FBXL22: variants seen among roughly 807,000 people sequenced by gnomAD.
FBXL22 encodes the protein F-box and leucine rich repeat protein 22.
Under a neutral mutation model 11.7 loss-of-function variants are expected in FBXL22, and 13 were observed. That is an observed-to-expected ratio of 1.11 (90% CI 0.73 to 1.77). FBXL22 has a LOEUF of 1.77. Ranked by LOEUF, FBXL22 falls within the 40% of genes most tolerant of loss-of-function variation. The probability of loss-of-function intolerance (pLI) is 0.00; values close to 1 mark genes in which losing one functional copy is unlikely to be tolerated. For synonymous variants in FBXL22, 160 were observed against 144.1 expected, an observed-to-expected ratio of 1.11 and a Z score of -0.79; for missense variants, 406 against 320.4, an observed-to-expected ratio of 1.27 and a Z score of -2.04.
chr15:63,599,423 G>A, intron 1 of FBXL22: 1 of 1,361,376 alleles, frequency 7.3e-7, no homozygotes, highest in Non-Finnish European at 9.4e-7. Flanking sequence ...TGACAAATGA[G>A]GAAGTGACGC....
At chr15:63,603,704 G>A (rs546534568), downstream of FBXL22, among the ~76,000 whole-genome samples, 4 of 152,308 alleles carry the variant, frequency 2.6e-5, no homozygotes, top group East Asian at 1.9e-4. Flanking sequence ...AAAGGGCTCC[G>A]GGCTGGGGCA....
At chr15:63,600,389 C>G in intron 1 of FBXL22, 1 of 1,153,672 alleles carries the variant, frequency 8.7e-7, no homozygotes, top group East Asian at 4.0e-5. Context: ...CTGGAACCGG[C>G]ATTCCCTCTG....
chr15:63,597,722 T>G lies in FBXL22; in HGVS notation c.330T>G (p.Asp110Glu), dbSNP rs1486892301. Residue 110 changes from aspartate to glutamate, a missense_variant, in exon 1 of 2, where the codon GAT becomes GAG. Asp to Glu is a conservative substitution (Grantham distance 45, BLOSUM62 2). Coordinates refer to ENST00000638704, the MANE Select transcript of FBXL22 (RefSeq NM_001367807.1). The surrounding 1 kb of genome is among the most constrained non-coding windows in gnomAD (Gnocchi z 4.3). Reference protein sequence around the residue: ...ICSRHESLVNDFLLRVCDRCP... With the variant: ...ICSRHESLVNEFLLRVCDRCP... ...GCCGGCACGAGAGCCTGGTCAATGA[T>G]TTCCTCCTCCGGGTGTGCGACAGGT... is the stretch of plus-strand genomic sequence containing the variant. 6.3e-7 allele frequency: 1 copy of G among 1,591,232 alleles called. No homozygotes were observed. Among genetic ancestry groups the G allele is most frequent in the African/African-American group, 1.3e-5 (1 of 74,702 alleles).
rs2067358843 is a variant in FBXL22, at chr15:63,600,860, G to A, written c.517G>A (p.Ala173Thr). Residue 173 changes from alanine (A) to threonine (T), a missense_variant, in exon 2 of 2, where the codon GCG becomes ACG. Physicochemically the swap from Ala to Thr is moderately conservative, Grantham distance 58 (BLOSUM62 0). Coordinates refer to ENST00000638704, the MANE Select transcript of FBXL22 (RefSeq NM_001367807.1). ...GGCTGCCGTGGCGGCGGACGGGCGC[G>A]CGCTGCAGACATTGCACGTGGACTT... Reference protein sequence around the residue: ...TLAAVAADGRALQTLHVDFCR... With the variant: ...TLAAVAADGRTLQTLHVDFCR... 6.5e-6 allele frequency: 8 copies of A among 1,229,470 alleles called. No homozygotes were observed. The highest frequency in any genetic ancestry group is 8.1e-6 in the Non-Finnish European group (8 of 986,518). The allele number at this position is 1,229,470 out of a possible 1,614,324, so 76.2% of individuals were successfully genotyped here.
At position 63,597,445 on chromosome 15, in the gene FBXL22, T is replaced by C; in HGVS notation, c.53T>C (p.Leu18Pro). Reference sequence around the variant, plus strand: ...ACCCAGCTCAACCGGGAGTGCCTGCTGCACCTCTTCTCCTTCCTAGACAAG... The same window carrying C: ...ACCCAGCTCAACCGGGAGTGCCTGCCGCACCTCTTCTCCTTCCTAGACAAG... ...HITQLNRECLLHLFSFLDKDS... is the reference protein window; with the variant it reads ...HITQLNRECLPHLFSFLDKDS... The change falls in exon 1 of 2, where the codon CTG becomes CCG. Residue 18 changes from leucine (L) to proline (P), a missense_variant. Leu to Pro is a moderately conservative substitution (Grantham distance 98). Transcript: ENST00000638704. The surrounding 1 kb of genome is among the most constrained non-coding windows in gnomAD (Gnocchi z 4.3). The C allele has an allele frequency of 6.2e-7, 1 of 1,613,984 alleles. No individual in the cohort carries two copies. Among genetic ancestry groups the C allele is most frequent in the Non-Finnish European group, 8.5e-7 (1 of 1,180,002 alleles).
intron 1 of FBXL22, among the ~76,000 whole-genome samples, chr15:63,598,485 C>CA (rs565537843): frequency 2.5e-3 from 374 of 152,300 alleles, no homozygotes; most frequent in Non-Finnish European, 4.0e-3. Flanking sequence ...ACTGAACCAC[C>CA]AGGCCAGGCT....
intron 1 of FBXL22, chr15:63,599,684 A>G: frequency 1.0e-6 from 1 of 987,074 alleles, no homozygotes; most frequent in Non-Finnish European, 1.2e-6. Flanking sequence ...AGGGGCAGTC[A>G]CGGAGCTGCG....
downstream of FBXL22, chr15:63,601,304 C>A (rs769984227): frequency 5.7e-6 from 9 of 1,588,388 alleles, no homozygotes; most frequent in Non-Finnish European, 7.7e-6. Context: ...AGGCTTTCTG[C>A]TGTGCGCTCC....
downstream of FBXL22, among the ~76,000 whole-genome samples, chr15:63,607,287 C>T (rs1479183967): frequency 3.9e-5 from 6 of 152,182 alleles, no homozygotes; most frequent in Non-Finnish European, 7.3e-5. Flanking sequence ...CCTTGTGATC[C>T]ACCCGCCTCG....
downstream of FBXL22, among the ~76,000 whole-genome samples, chr15:63,604,902 A>G (rs140783381): frequency 6.6e-6 from 1 of 152,128 alleles, no homozygotes; most frequent in Non-Finnish European, 1.5e-5. Context: ...AAATACAAAA[A>G]TTAGCTAGGC....
At chr15:63,603,918 A>C (rs1352679560), downstream of FBXL22, among the ~76,000 whole-genome samples, 1 of 152,068 alleles carries the variant, frequency 6.6e-6, no homozygotes, top group South Asian at 2.1e-4. Flanking sequence ...TTGGGAACGA[A>C]TTTTTCTCCC....
At chr15:63,598,932 G>A (rs1327080626) in intron 1 of FBXL22, among the ~76,000 whole-genome samples, 4 of 152,168 alleles carry the variant, frequency 2.6e-5, no homozygotes, top group Non-Finnish European at 5.9e-5. Flanking sequence ...AGAGAACCGA[G>A]CTTAATGCCC....
At chr15:63,601,454 G>T (rs764278764), downstream of FBXL22, 27 of 1,569,390 alleles carry the variant, frequency 1.7e-5, no homozygotes, top group Admixed American at 3.6e-5. Flanking sequence ...GCTGCCGCGC[G>T]CAGGGGTCTG....
chr15:63,600,921 T>C lies in FBXL22; in HGVS notation c.578T>C (p.Leu193Pro). 1 of 1,212,898 alleles carries C rather than the reference T, an allele frequency of 8.2e-7. No individual in the cohort carries two copies. Among genetic ancestry groups the C allele is most frequent in the Non-Finnish European group, 1.0e-6 (1 of 975,870 alleles). The allele number at this position is 1,212,898 out of a possible 1,614,324, so 75.1% of individuals were successfully genotyped here. Residue 193 changes from leucine to proline, a missense_variant, in exon 2 of 2, where the codon CTG becomes CCG. Transcript: ENST00000638704. The stretch of plus-strand genomic sequence containing the variant: ...GTGAGCGCGGCCGGCCTGCGCCGCC[T>C]GCGCGCCGCGTGCCCGCGCCTGGCC... ...RNVSAAGLRR[L>P]RAACPRLALR...
chr15:63,599,986 T>C, intron 1 of FBXL22: 11 of 985,828 alleles, frequency 1.1e-5, no homozygotes, highest in Middle Eastern at 5.2e-4. Context: ...TTTTCTTTGC[T>C]GGGAGGGGCT....
chr15:63,607,512 G>A, the FBXL22 span, among the ~76,000 whole-genome samples: 1 of 152,200 alleles, frequency 6.6e-6, no homozygotes, highest in African/African-American at 2.4e-5. Context: ...GTCTCTCCCT[G>A]AGACCCAATT....
At chr15:63,605,303 C>T (rs571768677), downstream of FBXL22, among the ~76,000 whole-genome samples, 5 of 152,222 alleles carry the variant, frequency 3.3e-5, no homozygotes, top group African/African-American at 7.2e-5. Context: ...TAGCTTTTGA[C>T]GAGATATGAC....
downstream of FBXL22, chr15:63,602,071 G>C (rs1192894001): frequency 4.9e-6 from 1 of 203,218 alleles, no homozygotes; most frequent in African/African-American, 2.3e-5. Flanking sequence ...TGTGATGGGC[G>C]CTGTTCACAC....
At chr15:63,601,877 G>A (rs552302394), downstream of FBXL22, 223 of 775,956 alleles carry the variant, frequency 2.9e-4, no homozygotes, top group Non-Finnish European at 3.8e-4. Flanking sequence ...ATTATAAGCT[G>A]ACAAGCTAGA....
Sources: gnomAD v4.1 joint callset for allele counts (sites outside exome capture counted in the v4.1 genomes callset) on GRCh38, gnomAD v4.1.1 for gene constraint, Gnocchi (gnomAD v3.1) non-coding constraint, MANE v1.5 for transcripts, NCBI Gene and HGNC (gene_info 2026-07-23, HGNC 2026-07-21) for gene names.